NPIPB2: variants seen among roughly 807,000 people sequenced by gnomAD.
The protein encoded by NPIPB2 is nuclear pore complex interacting protein family member B2.
A neutral mutation model predicts 30.8 loss-of-function variants in NPIPB2; 27 were observed. The observed-to-expected ratio is 0.88, with a 90% CI of 0.65 to 1.21. The LOEUF (loss-of-function observed/expected upper bound fraction) is 1.21, where lower values mean the gene tolerates loss of function less well. Among genes scored for constraint, NPIPB2 ranks in the 50% most tolerant of loss-of-function variants. NPIPB2 has a pLI of 0.00. For synonymous variants in NPIPB2, 147 were observed against 162.0 expected, an observed-to-expected ratio of 0.91 and a Z score of 0.70; for missense variants, 440 against 446.2, an observed-to-expected ratio of 0.99 and a Z score of 0.13.
At chr16:11,965,838 GA>G (rs2055189017) in intron 1 of NPIPB2, among the ~76,000 whole-genome samples, 2 of 152,072 alleles carry the variant, frequency 1.3e-5, no homozygotes, top group African/African-American at 4.8e-5. Flanking sequence ...GGGTGCGGTG[GA>G]TGGCTCACAC....
intron 1 of NPIPB2, among the ~76,000 whole-genome samples, chr16:11,955,353 CAAAAAAAAA>C (rs34066078): frequency 2.1e-5 from 1 of 46,640 alleles, no homozygotes. Flanking sequence ...AACTCTGTGT[CAAAAAAAAA>C]AAAAAAAAAA....
chr16:11,975,388 C>G (rs11075039), intron 1 of NPIPB2, among the ~76,000 whole-genome samples: 82,636 of 149,860 alleles, frequency 0.55, 24,106 homozygotes, highest in South Asian at 0.76. Flanking sequence ...ACCTCGTGAT[C>G]CGCCCGCCTC....
At chr16:11,930,522 G>A (rs1199743449) in exon 5 of NPIPB2, 1 of 1,587,544 alleles carries the variant, frequency 6.3e-7, no homozygotes, top group African/African-American at 1.4e-5. Flanking sequence ...CTCCTTTTCT[G>A]CATGCTCACA....
At chr16:11,967,880 A>G in intron 1 of NPIPB2, 1 of 1,600,492 alleles carries the variant, frequency 6.2e-7, no homozygotes. Flanking sequence ...TGCCACTTTA[A>G]AAATCTTTTG....
chr16:11,975,268 C>T (rs1198369232), intron 1 of NPIPB2, among the ~76,000 whole-genome samples: 2 of 130,670 alleles, frequency 1.5e-5, no homozygotes, highest in Non-Finnish European at 3.3e-5. Context: ...CTGCCTCAGC[C>T]TCCCAAGTAG....
chr16:11,930,446 T>A lies in NPIPB2; in HGVS notation c.590+4A>T. On this transcript the variant is annotated splice_donor_region_variant and intron_variant, in intron 5 of 7. Transcript: ENST00000399147. ...AGAGGGTGGGGTTCAGTTTCTGAACTCACATGTAGGTGTGTATTTCTTTCA... is the reference window on the plus strand; with the variant it reads ...AGAGGGTGGGGTTCAGTTTCTGAACACACATGTAGGTGTGTATTTCTTTCA... 6.4e-7 allele frequency: 1 copy of A among 1,553,560 alleles called. No homozygotes were observed. The highest frequency in any genetic ancestry group is 8.7e-7 in the Non-Finnish European group (1 of 1,155,828).
intron 1 of NPIPB2, among the ~76,000 whole-genome samples, chr16:11,974,701 G>C (rs1567482424): frequency 6.6e-6 from 1 of 152,082 alleles, no homozygotes; most frequent in Non-Finnish European, 1.5e-5. Flanking sequence ...TCTTCACTCG[G>C]GGTGTGGGCA....
intron 1 of NPIPB2, among the ~76,000 whole-genome samples, chr16:11,966,636 C>T (rs2055196521): frequency 6.6e-6 from 1 of 152,102 alleles, no homozygotes; most frequent in South Asian, 2.1e-4. Context: ...CTAAAGTTAG[C>T]ACATCGATTA....
chr16:11,943,460 T>A (rs2054965715), upstream of NPIPB2, among the ~76,000 whole-genome samples: 2 of 152,146 alleles, frequency 1.3e-5, no homozygotes, highest in Admixed American at 6.5e-5. Flanking sequence ...TCCCAGCACT[T>A]TGGGAGGCTG....
intron 1 of NPIPB2, chr16:11,967,646 C>T: frequency 6.2e-7 from 1 of 1,614,148 alleles, no homozygotes; most frequent in Non-Finnish European, 8.5e-7. Context: ...TTCCGAGAGG[C>T]CTCGAGTACA....
intron 1 of NPIPB2, among the ~76,000 whole-genome samples, chr16:11,952,091 G>C (rs956464848): frequency 1.3e-5 from 2 of 150,962 alleles, no homozygotes; most frequent in African/African-American, 4.9e-5. Flanking sequence ...CCCAGGAGGC[G>C]GCGCTTGCAG....
intron 5 of NPIPB2, 25 bp downstream of exon 5, chr16:11,930,425 G>A (rs1272575812): frequency 6.5e-7 from 1 of 1,533,756 alleles, no homozygotes; most frequent in South Asian, 1.2e-5. Context: ...TTCCCAAGAG[G>A]GTGGGGTTCA....
chr16:11,935,598 G>A (rs556985412), intron 2 of NPIPB2, among the ~76,000 whole-genome samples: 24 of 152,274 alleles, frequency 1.6e-4, no homozygotes, highest in African/African-American at 5.8e-4. Context: ...ACAGGCATGA[G>A]CCACCACATC....
At chr16:11,949,793 C>G (rs1822608965) in intron 1 of NPIPB2, among the ~76,000 whole-genome samples, 2 of 152,146 alleles carry the variant, frequency 1.3e-5, no homozygotes, top group African/African-American at 4.8e-5. Context: ...GTGTAGTTAC[C>G]CAGAGCGACA....
chr16:11,970,849 C>CATCTGCTACATTGTTGTGTGCTAGG (rs1229546389), intron 1 of NPIPB2, among the ~76,000 whole-genome samples: 4 of 142,820 alleles, frequency 2.8e-5, no homozygotes, highest in Middle Eastern at 3.6e-3. Context: ...TCAGCATTTT[C>CATCTGCTACATTGTTGTGTGCTAGG]TTACTCGTTT....
intron 1 of NPIPB2, chr16:11,956,332 T>TAAAA (rs2055112464): frequency 3.9e-5 from 6 of 152,130 alleles, no homozygotes; most frequent in Admixed American, 3.3e-4. Flanking sequence ...CACATTGCAC[T>TAAAA]AAAAAATGAA....
chr16:11,964,872 A>G (rs528953013), intron 1 of NPIPB2, among the ~76,000 whole-genome samples: 1 of 152,240 alleles, frequency 6.6e-6, no homozygotes, highest in South Asian at 2.1e-4. Context: ...CCTCAATGTT[A>G]AGATCTTAAG....
intron 1 of NPIPB2, among the ~76,000 whole-genome samples, chr16:11,948,869 G>A (rs1341679066): frequency 6.6e-6 from 1 of 151,970 alleles, no homozygotes; most frequent in East Asian, 1.9e-4. Flanking sequence ...TGGGTGTGGT[G>A]GCTCATGTCG....
chr16:11,957,403 C>T (rs376634744), intron 1 of NPIPB2, among the ~76,000 whole-genome samples: 1 of 152,048 alleles, frequency 6.6e-6, no homozygotes, highest in East Asian at 1.9e-4. Flanking sequence ...GACCTCGTGA[C>T]CCACCTGCCT....
Sources: gnomAD v4.1 joint callset for allele counts (sites outside exome capture counted in the v4.1 genomes callset) on GRCh38, gnomAD v4.1.1 for gene constraint, MANE v1.5 for transcripts, NCBI Gene and HGNC (gene_info 2026-07-23, HGNC 2026-07-21) for gene names.